Variants in NTRK3 observed in about 807,000 individuals in gnomAD.
NTRK3 encodes the protein neurotrophic receptor tyrosine kinase 3.
A neutral mutation model predicts 91.7 loss-of-function variants in NTRK3; 24 were observed. That is an observed-to-expected ratio of 0.26 (90% CI 0.19 to 0.37). The LOEUF (loss-of-function observed/expected upper bound fraction) is 0.37, where lower values mean the gene tolerates loss of function less well. Ranked by LOEUF, NTRK3 falls within the 10% of genes least tolerant of loss-of-function variation. The pLI, the probability that NTRK3 is intolerant of heterozygous loss-of-function variation, is 1.00. For missense variants in NTRK3, 880 were observed against 1,068.9 expected, an observed-to-expected ratio of 0.82 and a Z score of 2.46; for synonymous variants, 483 against 404.0, an observed-to-expected ratio of 1.20 and a Z score of -2.34.
At chr15:87,929,419 A>T (rs1015093216) in exon 17 of NTRK3, 1 of 1,614,080 alleles carries the variant, frequency 6.2e-7, no homozygotes, top group Non-Finnish European at 8.5e-7. Context: ...GGATCATTGC[A>T]TCTGGCCCAT....
chr15:87,948,498 G>A (rs2070788404), intron 14 of NTRK3, among the ~76,000 whole-genome samples: 1 of 152,140 alleles, frequency 6.6e-6, no homozygotes, highest in South Asian at 2.1e-4. Flanking sequence ...GACCAGCCTG[G>A]CCAACATGGC....
chr15:88,065,958 CCTA>C lies in NTRK3; in HGVS notation c.1397-32916_1397-32914del, dbSNP rs150437422. On this transcript the variant is annotated intron_variant, in intron 13 of 18. Transcript: ENST00000394480. The stretch of plus-strand genomic sequence containing the variant: ...GAGGAAGTTGACTTTGCCAAAATGG[CCTA>C]CTGTCAGGGCTAAGCCCTGAAAAGC... Among the ~76,000 whole-genome samples the C allele has an allele frequency of 8.3e-3, 1,267 of 152,248 alleles. 18 individuals carry two copies. Among genetic ancestry groups the C allele is most frequent in the African/African-American group, 0.029 (1,201 of 41,550 alleles).
intron 3 of NTRK3, among the ~76,000 whole-genome samples, chr15:88,249,142 A>G (rs1477221457): frequency 6.6e-6 from 1 of 152,136 alleles, no homozygotes; most frequent in East Asian, 1.9e-4. Flanking sequence ...ACTCTGGGAC[A>G]CTTATGATGG....
intron 5 of NTRK3, among the ~76,000 whole-genome samples, chr15:88,173,532 G>T (rs192488476): frequency 6.6e-6 from 1 of 152,234 alleles, no homozygotes; most frequent in Non-Finnish European, 1.5e-5. Context: ...TACCCACTCT[G>T]TGTAATCATC....
At chr15:88,035,630 AG>A (rs1318295588) in intron 13 of NTRK3, among the ~76,000 whole-genome samples, 24 of 152,234 alleles carry the variant, frequency 1.6e-4, no homozygotes, top group Non-Finnish European at 2.9e-5. Context: ...CTAGCTTTCT[AG>A]GGCTCAATTC....
chr15:88,190,889 T>G (rs971206568), intron 3 of NTRK3, among the ~76,000 whole-genome samples: 2 of 152,206 alleles, frequency 1.3e-5, no homozygotes, highest in African/African-American at 4.8e-5. Context: ...TTTGTATTGT[T>G]AGAAATGCAT....
At chr15:88,173,276 G>A (rs532220929) in intron 5 of NTRK3, among the ~76,000 whole-genome samples, 49 of 152,300 alleles carry the variant, frequency 3.2e-4, no homozygotes, top group Admixed American at 9.8e-4. Flanking sequence ...ATTTTGGGAT[G>A]TTAGAGCAGA....
At chr15:87,945,252 G>C (rs2070341517) in intron 14 of NTRK3, among the ~76,000 whole-genome samples, 1 of 152,200 alleles carries the variant, frequency 6.6e-6, no homozygotes, top group Non-Finnish European at 1.5e-5. Context: ...ATTCCTTTTT[G>C]TGAGACAGCC....
chr15:87,930,758 A>G (rs1404400690), intron 16 of NTRK3, among the ~76,000 whole-genome samples: 2 of 152,160 alleles, frequency 1.3e-5, no homozygotes, highest in Non-Finnish European at 2.9e-5. Context: ...CCCTCGACTG[A>G]TAGAGCCTAG....
chr15:88,124,041 C>T lies in NTRK3; in HGVS notation c.1396+2230G>A, dbSNP rs371640061. The stretch of plus-strand genomic sequence containing the variant: ...CCCTTGTTGAGAAGAGGGATGCATT[C>T]GGATGGTTGGGGGGCTTAGAATTTT... On this transcript the variant is annotated intron_variant, in intron 13 of 18. Transcript: ENST00000394480. 6.6e-5 allele frequency among the ~76,000 whole-genome samples: 10 copies of T among 152,204 alleles called. No individual in the cohort carries two copies. In the East Asian group the frequency reaches 1.4e-3, roughly 21 times the overall value.
chr15:88,052,698 A>G (rs983418983), intron 13 of NTRK3, among the ~76,000 whole-genome samples: 1 of 152,210 alleles, frequency 6.6e-6, no homozygotes, highest in African/African-American at 2.4e-5. Flanking sequence ...ATGAGAAATG[A>G]GATGGAAAGT....
chr15:88,223,193 A>G (rs974925189), intron 3 of NTRK3, among the ~76,000 whole-genome samples: 21 of 152,244 alleles, frequency 1.4e-4, no homozygotes, highest in African/African-American at 4.3e-4. Context: ...CAGGGCGGAC[A>G]GTGACTGCTT....
At chr15:87,937,860 A>G (rs1459590836) in intron 15 of NTRK3, among the ~76,000 whole-genome samples, 1 of 152,150 alleles carries the variant, frequency 6.6e-6, no homozygotes, top group Non-Finnish European at 1.5e-5. Flanking sequence ...TGAAAGCAAA[A>G]ACCTCCACAG....
chr15:88,133,850 G>A (rs915511960), intron 10 of NTRK3, among the ~76,000 whole-genome samples: 8 of 152,146 alleles, frequency 5.3e-5, no homozygotes, highest in Admixed American at 2.0e-4. Flanking sequence ...AACTGCCTCC[G>A]AAAAGACGGC....
intron 3 of NTRK3, among the ~76,000 whole-genome samples, chr15:88,247,256 C>T (rs1264282840): frequency 6.6e-6 from 1 of 152,164 alleles, no homozygotes. Flanking sequence ...CCTGTAAAAG[C>T]CCGAACCCCT....
chr15:88,085,909 G>A (rs1158958773), intron 13 of NTRK3, among the ~76,000 whole-genome samples: 1 of 152,224 alleles, frequency 6.6e-6, no homozygotes, highest in Non-Finnish European at 1.5e-5. Flanking sequence ...GGAGCTAATA[G>A]GATATATGAG....
At chr15:87,880,371 G>A (rs767450627) in exon 18 of NTRK3, 16 of 1,613,970 alleles carry the variant, frequency 9.9e-6, no homozygotes, top group East Asian at 8.9e-5. Flanking sequence ...GTGAACTTCC[G>A]GTACATGATG....
In NTRK3 at chr15:88,255,177, G is replaced by A. The variant is rs1209368481; in HGVS notation, c.248+729C>T. On this transcript the variant is annotated intron_variant, in intron 3 of 18. Coordinates refer to ENST00000394480, the Ensembl canonical transcript of NTRK3. This position sits in a 1 kb window ranked among gnomAD's most constrained non-coding sequence, Gnocchi z 4.3. ...CGCCATCCTGACTCGGAATAGTTCCGAGCAGTTATCAAAGCCCAAACTGGG... is the reference window on the plus strand; with the variant it reads ...CGCCATCCTGACTCGGAATAGTTCCAAGCAGTTATCAAAGCCCAAACTGGG... Among the ~76,000 whole-genome samples the A allele has an allele frequency of 6.6e-6, 1 of 152,074 alleles. No individual in the cohort carries two copies. The highest frequency in any genetic ancestry group is 1.9e-4 in the East Asian group (1 of 5,158).
At chr15:87,877,100 T>A (rs2141438128) in exon 19 of NTRK3, 1 of 1,614,068 alleles carries the variant, frequency 6.2e-7, no homozygotes, top group Non-Finnish European at 8.5e-7. Context: ...AAACACGACC[T>A]TGGGTAATGC....
Sources: gnomAD v4.1 joint callset for allele counts (sites outside exome capture counted in the v4.1 genomes callset) on GRCh38, gnomAD v4.1.1 for gene constraint, Gnocchi (gnomAD v3.1) non-coding constraint, MANE v1.5 for transcripts, NCBI Gene and HGNC (gene_info 2026-07-23, HGNC 2026-07-21) for gene names.